BCL2L13: variants seen among roughly 807,000 people sequenced by gnomAD.
The protein encoded by BCL2L13 is bcl-2-like protein 13.
In BCL2L13, 13 loss-of-function variants were observed where a neutral mutation model predicts 25.8. The ratio of observed to expected loss-of-function variants is 0.50; its 90% CI spans 0.33 to 0.80. The LOEUF (loss-of-function observed/expected upper bound fraction) is 0.80. Among genes scored for constraint, BCL2L13 ranks in the 30% least tolerant of loss-of-function variants. The pLI, the probability that BCL2L13 is intolerant of heterozygous loss-of-function variation, is 0.02. For missense variants in BCL2L13, 504 were observed against 574.9 expected (o/e 0.88, Z 1.26); for synonymous variants, 244 against 230.3 (o/e 1.06, Z -0.54).
chr22:17,681,374 C>T (rs1461344218), intron 2 of BCL2L13, among the ~76,000 whole-genome samples: 1 of 151,702 alleles, frequency 6.6e-6, no homozygotes, highest in Non-Finnish European at 1.5e-5. Flanking sequence ...GGTGTGGTGG[C>T]GGGCGCCTGT....
intron 3 of BCL2L13, among the ~76,000 whole-genome samples, chr22:17,688,115 G>A (rs1001499418): frequency 7.2e-5 from 11 of 152,144 alleles, no homozygotes; most frequent in Admixed American, 3.3e-4. Context: ...CACCGCGCCC[G>A]GCCTTAATAT....
At chr22:17,688,768 GTTTT>G (rs372765646) in intron 3 of BCL2L13, among the ~76,000 whole-genome samples, 1 of 133,568 alleles carries the variant, frequency 7.5e-6, no homozygotes. Flanking sequence ...TGATATTGTT[GTTTT>G]TTTTTTTTTT....
intron 2 of BCL2L13, among the ~76,000 whole-genome samples, chr22:17,665,347 T>G (rs1450462179): frequency 2.0e-5 from 3 of 152,204 alleles, no homozygotes; most frequent in African/African-American, 7.2e-5. Flanking sequence ...TGTCAGCATT[T>G]TGGTCAAAAC....
At chr22:17,648,744 A>G (rs2058577986) in intron 1 of BCL2L13, among the ~76,000 whole-genome samples, 1 of 152,130 alleles carries the variant, frequency 6.6e-6, no homozygotes, top group African/African-American at 2.4e-5. Context: ...GAAATTCATG[A>G]TTAAGATTGC....
At chr22:17,639,085 G>A (rs2058172709) in intron 1 of BCL2L13, among the ~76,000 whole-genome samples, 199 bp downstream of exon 1, 1 of 152,146 alleles carries the variant, frequency 6.6e-6, no homozygotes, top group Admixed American at 6.5e-5. Context: ...CACCGTGACC[G>A]GACCTGGCCG....
intron 2 of BCL2L13, among the ~76,000 whole-genome samples, chr22:17,666,301 A>G (rs913588918): frequency 2.6e-5 from 4 of 152,160 alleles, no homozygotes; most frequent in Non-Finnish European, 5.9e-5. Context: ...GCAATGACAA[A>G]TAAACACATC....
intron 1 of BCL2L13, among the ~76,000 whole-genome samples, chr22:17,640,215 C>T (rs1383689488): frequency 6.6e-6 from 1 of 152,160 alleles, no homozygotes; most frequent in Non-Finnish European, 1.5e-5. Context: ...TTTTAACACC[C>T]TCTCTCCCCC....
At chr22:17,715,141 TATATATA>T (rs2060884940) in intron 6 of BCL2L13, among the ~76,000 whole-genome samples, 1 of 6,938 alleles carries the variant, frequency 1.4e-4, no homozygotes, top group Non-Finnish European at 3.5e-4. Flanking sequence ...TATATATATA[TATATATA>T]TATATATATA....
At position 17,721,956 on chromosome 22, in the gene BCL2L13, G is replaced by A. The variant is rs562337173; in HGVS notation, c.601-4721G>A. Among the ~76,000 whole-genome samples, 128 of 152,202 alleles carry A rather than the reference G, an allele frequency of 8.4e-4. 1 individual carries two copies. Among genetic ancestry groups the A allele is most frequent in the Non-Finnish European group, 5.9e-4 (40 of 68,000 alleles). The stretch of plus-strand genomic sequence containing the variant: ...ATTACAGGCATGAGCCACCGCGCCC[G>A]GCCAAGAAATTTTTATGATGCACAC... On this transcript the variant is annotated intron_variant, in intron 6 of 6. Transcript: ENST00000317582.
At chr22:17,637,850 TATA>T (rs1451378972), upstream of BCL2L13, among the ~76,000 whole-genome samples, 3 of 152,186 alleles carry the variant, frequency 2.0e-5, no homozygotes, top group Non-Finnish European at 4.4e-5. Flanking sequence ...CTTGTTGAGA[TATA>T]GATCTCATAA....
At chr22:17,714,834 G>T (rs1219997747) in intron 6 of BCL2L13, among the ~76,000 whole-genome samples, 1 of 151,778 alleles carries the variant, frequency 6.6e-6, no homozygotes, top group African/African-American at 2.4e-5. Context: ...AGAATGGCAG[G>T]TTATGGTACA....
In BCL2L13 at chr22:17,728,115, C is replaced by CT. The variant is rs545942439; in HGVS notation, c.*588dup. 1.2e-3 allele frequency: 183 copies of CT among 152,970 alleles called. No individual in the cohort carries two copies. The highest frequency in any genetic ancestry group is 4.4e-3 in the African/African-American group (173 of 39,732). 9.5% of individuals were successfully genotyped at this position (152,970 alleles called of 1,614,324 possible). A position where few individuals can be genotyped will look rare whatever the true frequency, so the allele number is the denominator to read the frequency against. The stretch of plus-strand genomic sequence containing the variant: ...TCGATGAGCAGGCTCTGCACCCACT[C>CT]TTTTTTTGCCCCCCGCCCTCATCCT... On this transcript the variant is annotated 3_prime_UTR_variant, in exon 7 of 7. Transcript: ENST00000317582.
intron 3 of BCL2L13, among the ~76,000 whole-genome samples, chr22:17,684,873 C>T (rs1434120072): frequency 2.0e-5 from 3 of 152,036 alleles, no homozygotes; most frequent in Admixed American, 6.6e-5. Context: ...GCTGGGACTA[C>T]AGGCGCCTGC....
chr22:17,636,636 A>C (rs575950492), upstream of BCL2L13, among the ~76,000 whole-genome samples: 508 of 150,336 alleles, frequency 3.4e-3, 3 homozygotes, highest in African/African-American at 0.011. Flanking sequence ...TAAGAATACA[A>C]AAAAAAAATA....
At chr22:17,665,577 G>A (rs958709074) in intron 2 of BCL2L13, among the ~76,000 whole-genome samples, 5 of 152,108 alleles carry the variant, frequency 3.3e-5, no homozygotes, top group African/African-American at 9.7e-5. Flanking sequence ...ACCTGGCCCC[G>A]CCCTTGACAC....
intron 1 of BCL2L13, among the ~76,000 whole-genome samples, chr22:17,645,269 A>C (rs1476933436): frequency 1.5e-5 from 2 of 132,398 alleles, no homozygotes; most frequent in Non-Finnish European, 3.1e-5. Flanking sequence ...TCACTCTGTC[A>C]CACAGGCTGG....
At chr22:17,714,221 A>G (rs1387528953) in intron 6 of BCL2L13, among the ~76,000 whole-genome samples, 2 of 151,960 alleles carry the variant, frequency 1.3e-5, no homozygotes, top group African/African-American at 4.8e-5. Context: ...TGAACCCGGG[A>G]GGTGGAGCTT....
intron 2 of BCL2L13, among the ~76,000 whole-genome samples, chr22:17,658,497 A>T (rs2058957014): frequency 1.3e-5 from 2 of 151,550 alleles, no homozygotes; most frequent in Non-Finnish European, 2.9e-5. Context: ...GTTGGAGACC[A>T]TTCTGGCCAA....
intron 1 of BCL2L13, among the ~76,000 whole-genome samples, chr22:17,650,707 T>G (rs1391502988): frequency 6.6e-6 from 1 of 152,080 alleles, no homozygotes; most frequent in Non-Finnish European, 1.5e-5. Context: ...CACTGTTCAT[T>G]CACATTGGTT....
Sources: gnomAD v4.1 joint callset for allele counts (sites outside exome capture counted in the v4.1 genomes callset) on GRCh38, gnomAD v4.1.1 for gene constraint, MANE v1.5 for transcripts, NCBI Gene and HGNC (gene_info 2026-07-23, HGNC 2026-07-21) for gene names.